HCLS1: variants seen among roughly 807,000 people sequenced by gnomAD.
HCLS1 encodes hematopoietic lineage cell-specific protein.
A neutral mutation model predicts 68.6 loss-of-function variants in HCLS1; 44 were observed. That is an observed-to-expected ratio of 0.64 (90% CI 0.50 to 0.82). The LOEUF is 0.82. HCLS1 is among the 40% of genes least tolerant of loss of function. The probability of loss-of-function intolerance (pLI) is 0.00; values close to 1 mark genes in which losing one functional copy is unlikely to be tolerated. For missense variants in HCLS1, 602 were observed against 612.1 expected (o/e 0.98, Z 0.17); for synonymous variants, 217 against 225.8 (o/e 0.96, Z 0.35).
At chr3:121,649,131 C>A (rs1937683441) in intron 3 of HCLS1, among the ~76,000 whole-genome samples, 1 of 151,992 alleles carries the variant, frequency 6.6e-6, no homozygotes, top group Admixed American at 6.6e-5. Flanking sequence ...AACAGAAAAA[C>A]TAGTCAGGGG....
chr3:121,637,071 C>T (rs1373926426), intron 7 of HCLS1, 75 bp downstream of exon 7: 22 of 1,064,738 alleles, frequency 2.1e-5, no homozygotes, highest in Admixed American at 6.9e-5. Flanking sequence ...CTGGGGCACC[C>T]GGGTGAGCTT....
chr3:121,634,372 A>G lies in HCLS1; in HGVS notation c.738T>C (p.Ala246=). The G allele has an allele frequency of 2.5e-6, 4 of 1,614,082 alleles. No homozygotes were observed. Among genetic ancestry groups the G allele is most frequent in the Non-Finnish European group, 3.4e-6 (4 of 1,179,990 alleles). Residue 246 remains alanine (A), a synonymous_variant, in exon 10 of 14, where the codon GCT becomes GCC. Coordinates refer to ENST00000314583, the MANE Select transcript of HCLS1 (RefSeq NM_005335.6). ...RGLKAKFESM[A]EEKRKREEEE... is the part of the protein sequence containing the mutation. ...CTTCCTCTCGCTTCCTCTTCTCCTC[A>G]GCCATGGACTCAAATTTCGCCTTCA...
In HCLS1 at chr3:121,634,493, A is replaced by G. The variant is rs1038896653; in HGVS notation, c.692-75T>C. ...GGAAGGGCATGGCACTTGAAGGAAG[A>G]AGGGGAATCAGTTAAATATCCGGGA... On this transcript the variant is annotated intron_variant, in intron 9 of 13. Coordinates refer to ENST00000314583, the MANE Select transcript of HCLS1 (RefSeq NM_005335.6). 11 of 1,346,098 alleles carry G rather than the reference A, an allele frequency of 8.2e-6. No individual in the cohort carries two copies. The Admixed American group carries it at 1.2e-4, about 15-fold the overall frequency. The allele number at this position is 1,346,098 out of a possible 1,614,324, so 83.4% of individuals were successfully genotyped here.
In HCLS1 at chr3:121,645,037, G is replaced by T. The variant is rs1002895259; in HGVS notation, c.289-109C>A. The T allele has an allele frequency of 1.2e-5, 10 of 812,934 alleles. No homozygotes were observed. The Middle Eastern group carries it at 1.9e-3, about 151-fold the overall frequency. 50.4% of individuals were successfully genotyped at this position (812,934 alleles called of 1,614,324 possible). ...ATGTAAGAAATTCCATTCTGGGTCA[G>T]ATCTATAGCCTCTGACAGTGGTGCC... On this transcript the variant is annotated intron_variant, in intron 4 of 13. Transcript: ENST00000314583.
At chr3:121,639,450 A>G (rs2049177942) in intron 6 of HCLS1, among the ~76,000 whole-genome samples, 1 of 152,230 alleles carries the variant, frequency 6.6e-6, no homozygotes, top group Admixed American at 6.5e-5. Flanking sequence ...AAAATCAATA[A>G]CAGCTTTTAA....
chr3:121,633,793 G>A (rs984748954), intron 10 of HCLS1, among the ~76,000 whole-genome samples: 1 of 151,128 alleles, frequency 6.6e-6, no homozygotes, highest in Non-Finnish European at 1.5e-5. Context: ...TCTCACCTTG[G>A]CCACCTCAAG....
At chr3:121,637,384 T>C (rs549255720) in intron 6 of HCLS1, 128 bp from the exon 7 acceptor site, 152 of 644,770 alleles carry the variant, frequency 2.4e-4, no homozygotes, top group Non-Finnish European at 3.9e-4. Flanking sequence ...AGGGCTTGAA[T>C]ACAGGGGAAT....
Position 121,633,146 on chromosome 3 carries a change from G to C in HCLS1, c.929C>G (p.Pro310Arg). The C allele has an allele frequency of 6.2e-7, 1 of 1,611,472 alleles. No homozygotes were observed. Among genetic ancestry groups the C allele is most frequent in the Non-Finnish European group, 8.5e-7 (1 of 1,178,652 alleles). ...SEAWPPVGTP[P>R]SSESEPVRTS... ...TCTCACAGGCTCAGACTCTGATGAT[G>C]GAGGAGTCCCAACTGGAGGCCAGGC... The change falls in exon 11 of 14, where the codon CCA (proline) becomes CGA (arginine). Residue 310 changes from proline to arginine, a missense_variant. Pro to Arg is a moderately radical substitution (Grantham distance 103). Transcript: ENST00000314583.
intron 6 of HCLS1, among the ~76,000 whole-genome samples, chr3:121,642,379 G>A (rs13071671): frequency 2.0e-5 from 3 of 151,980 alleles, no homozygotes; most frequent in Non-Finnish European, 4.4e-5. Context: ...TGAGGCAGGA[G>A]AATGGCGTGA....
intron 10 of HCLS1, 50 bp from the exon 11 acceptor site, chr3:121,633,221 C>CT (rs58527943): frequency 0.14 from 133,796 of 932,376 alleles, 1,120 homozygotes; most frequent in South Asian, 0.2. Context: ...ATCTTCACTC[C>CT]TTTTTTTTTT....
At chr3:121,634,097 C>A in intron 10 of HCLS1, 110 bp downstream of exon 10, 1 of 1,550,472 alleles carries the variant, frequency 6.4e-7, no homozygotes, top group Non-Finnish European at 8.7e-7. Flanking sequence ...ACAGACCTTG[C>A]CTAACCCAGG....
chr3:121,644,646 C>T (rs1050807462), intron 5 of HCLS1, 172 bp downstream of exon 5: 7 of 707,456 alleles, frequency 9.9e-6, no homozygotes, highest in African/African-American at 7.0e-5. Flanking sequence ...TGGCTTCCAA[C>T]ATTGGCACCA....
chr3:121,634,196 C>T lies in HCLS1; in HGVS notation c.903+11G>A, dbSNP rs369492582. On this transcript the variant is annotated intron_variant, in intron 10 of 13. Transcript: ENST00000314583. ...ATCCTGGATGTGGATCCCAGAGGGC[C>T]AGGCGCTCACCTCTGAGGAGATTTT... The T allele has an allele frequency of 2.2e-5, 35 of 1,613,970 alleles. No homozygotes were observed. The highest frequency in any genetic ancestry group is 2.8e-5 in the Non-Finnish European group (33 of 1,180,014).
chr3:121,633,322 T>G, intron 10 of HCLS1, 151 bp from the exon 11 acceptor site: 1 of 581,476 alleles, frequency 1.7e-6, no homozygotes, highest in Non-Finnish European at 3.1e-6. Context: ...TTCAAGCGAT[T>G]CTCCTGCCTC....
chr3:121,647,983 A>G (rs1317526503), intron 3 of HCLS1, among the ~76,000 whole-genome samples: 2 of 152,240 alleles, frequency 1.3e-5, no homozygotes, highest in Admixed American at 1.3e-4. Context: ...GAAACAATCT[A>G]TATGACCAAT....
chr3:121,647,587 G>T, intron 3 of HCLS1, 139 bp from the exon 4 acceptor site: 1 of 742,394 alleles, frequency 1.3e-6, no homozygotes, highest in Non-Finnish European at 2.2e-6. Context: ...CTAGTGATGG[G>T]TCTGGAAGTA....
In HCLS1 at chr3:121,637,222, C is replaced by T. The variant is rs746316979; in HGVS notation, c.489G>A (p.Val163=). Residue 163 remains valine (V), a synonymous_variant, in exon 7 of 14, where the codon GTG becomes GTA. Transcript: ENST00000314583. ...YSRGFGGRYG[V]EKDKWDKAAL... is the part of the protein sequence containing the mutation. The stretch of plus-strand genomic sequence containing the variant: ...CTGCTTTGTCCCATTTATCCTTCTC[C>T]ACCCCGTACCGGCCACCAAAGCCAC... 4.3e-6 allele frequency: 7 copies of T among 1,613,470 alleles called. No homozygotes were observed. The African/African-American group carries it at 5.3e-5, about 12-fold the overall frequency.
chr3:121,647,351 G>C lies in HCLS1; in HGVS notation c.256C>G (p.Arg86Gly), dbSNP rs769344632. 1 of 1,613,634 alleles carries C rather than the reference G, an allele frequency of 6.2e-7. No individual in the cohort carries two copies. Among genetic ancestry groups the C allele is most frequent in the Non-Finnish European group, 8.5e-7 (1 of 1,179,900 alleles). The change falls in exon 4 of 14, where the codon CGG (arginine) becomes GGG (glycine). Residue 86 changes from arginine (R) to glycine (G), a missense_variant. Arg to Gly is a moderately radical substitution (Grantham distance 125, BLOSUM62 -2). Coordinates refer to ENST00000314583, the MANE Select transcript of HCLS1 (RefSeq NM_005335.6). Reference protein sequence around the residue: ...GPKASHGYGGRFGVERDRMDK... With the variant: ...GPKASHGYGGGFGVERDRMDK... ...ATTCGGTCTCTTTCTACTCCAAACC[G>C]ACCTCCATAGCCATGGGATGCTTTG...
chr3:121,651,707 A>T (rs1023476911), intron 3 of HCLS1, among the ~76,000 whole-genome samples: 3 of 152,252 alleles, frequency 2.0e-5, no homozygotes, highest in Non-Finnish European at 2.9e-5. Flanking sequence ...GGCATGAGCC[A>T]CTGCACCCAG....
Sources: allele counts gnomAD v4.1 joint callset (sites outside exome capture counted in the v4.1 genomes callset), GRCh38; gene constraint gnomAD v4.1.1; transcripts MANE v1.5; gene names NCBI Gene and HGNC (gene_info 2026-07-23, HGNC 2026-07-21).